CHRM3: variants seen among roughly 807,000 people sequenced by gnomAD.
CHRM3 encodes cholinergic receptor muscarinic 3.
CHRM3 carries 11 observed loss-of-function variants against 41.8 expected under a neutral mutation model. That is an observed-to-expected ratio of 0.26 (90% CI 0.17 to 0.44). The LOEUF is 0.44. CHRM3 is among the 20% of genes least tolerant of loss of function. CHRM3 has a pLI of 1.00. For missense variants in CHRM3, 571 were observed against 745.4 expected, an observed-to-expected ratio of 0.77 and a Z score of 2.72; for synonymous variants, 297 against 301.4, an observed-to-expected ratio of 0.99 and a Z score of 0.15.
chr1:239,569,033 G>T (rs761220352), intron 3 of CHRM3, among the ~76,000 whole-genome samples: 12 of 152,162 alleles, frequency 7.9e-5, no homozygotes, highest in Non-Finnish European at 1.5e-4. Flanking sequence ...GAGAAAGGTA[G>T]TGTTGGGACA....
chr1:239,423,948 G>A (rs180907530), intron 1 of CHRM3, among the ~76,000 whole-genome samples: 3 of 151,300 alleles, frequency 2.0e-5, no homozygotes, highest in Admixed American at 2.0e-4. Context: ...CCAGCTACTC[G>A]GGAGGCTGAG....
rs1658199771 is a variant in CHRM3, at chr1:239,678,211, C to T, written c.-224C>T. Reference sequence around the variant, plus strand: ...GTTTTGCTGTGGCGTGGCACCTGGTCTCTTTCTAGAAGGAAAGTTCAACAT... The same window carrying T: ...GTTTTGCTGTGGCGTGGCACCTGGTTTCTTTCTAGAAGGAAAGTTCAACAT... On this transcript the variant is annotated 5_prime_UTR_variant, in exon 5 of 7. Transcript: ENST00000676153. 6.6e-6 allele frequency: 1 copy of T among 152,170 alleles called. No homozygotes were observed. Among genetic ancestry groups the T allele is most frequent in the South Asian group, 2.1e-4 (1 of 4,830 alleles). 9.4% of individuals were successfully genotyped at this position (152,170 alleles called of 1,614,324 possible).
At chr1:239,474,729 A>C (rs1043760956) in intron 1 of CHRM3, among the ~76,000 whole-genome samples, 1 of 152,162 alleles carries the variant, frequency 6.6e-6, no homozygotes, top group African/African-American at 2.4e-5. Flanking sequence ...GCCAACTATC[A>C]GCTTATAAGT....
At chr1:239,596,375 C>A (rs541198948) in intron 3 of CHRM3, among the ~76,000 whole-genome samples, 2 of 151,970 alleles carry the variant, frequency 1.3e-5, no homozygotes, top group African/African-American at 4.8e-5. Context: ...GGAAGGAGAG[C>A]TGCAAGTACA....
At chr1:239,646,634 G>A (rs1325631259) in intron 4 of CHRM3, among the ~76,000 whole-genome samples, 6 of 152,232 alleles carry the variant, frequency 3.9e-5, no homozygotes, top group Non-Finnish European at 7.4e-5. Context: ...CAGAAAGAGG[G>A]CACTGCAAGG....
chr1:239,786,821 A>G (rs1034893090), intron 5 of CHRM3, among the ~76,000 whole-genome samples: 1 of 152,210 alleles, frequency 6.6e-6, no homozygotes, highest in African/African-American at 2.4e-5. Flanking sequence ...CAGGGTAAGG[A>G]CCAAGTGAAC....
intron 2 of CHRM3, among the ~76,000 whole-genome samples, chr1:239,541,668 C>T (rs1320647703): frequency 7.9e-5 from 12 of 152,070 alleles, no homozygotes; most frequent in African/African-American, 1.4e-4. Flanking sequence ...TGTGCCACTG[C>T]GCCAGGCTAA....
chr1:239,902,904 A>G (rs1473934428), intron 6 of CHRM3, among the ~76,000 whole-genome samples: 1 of 152,212 alleles, frequency 6.6e-6, no homozygotes, highest in Non-Finnish European at 1.5e-5. Context: ...CATCTATTGC[A>G]TGACAGAAAA....
At chr1:239,663,150 TGCC>T (rs1673436092) in intron 4 of CHRM3, among the ~76,000 whole-genome samples, 1 of 151,824 alleles carries the variant, frequency 6.6e-6, no homozygotes, top group Non-Finnish European at 1.5e-5. Context: ...GCTGAGGAGG[TGCC>T]TCTGTTCTGC....
In CHRM3 at chr1:239,838,207, G is replaced by A. The variant is rs912596674; in HGVS notation, c.-20+10829G>A. ...CAGTTTATTTGGACTGAAGAAAGGG[G>A]TCTATCAGTGAAAATATGGGATGTA... On this transcript the variant is annotated intron_variant, in intron 6 of 6. Coordinates refer to ENST00000676153, the MANE Select transcript of CHRM3 (RefSeq NM_001375978.1). 3.3e-5 allele frequency among the ~76,000 whole-genome samples: 5 copies of A among 152,088 alleles called. No homozygotes were observed. The East Asian group carries it at 9.7e-4, about 29-fold the overall frequency.
chr1:239,810,769 C>T (rs1480229243), intron 5 of CHRM3, among the ~76,000 whole-genome samples: 1 of 152,238 alleles, frequency 6.6e-6, no homozygotes, highest in African/African-American at 2.4e-5. Context: ...TGTGATTAAA[C>T]ACTGCTACCT....
At chr1:239,804,803 G>A (rs563553080) in intron 5 of CHRM3, among the ~76,000 whole-genome samples, 5 of 152,238 alleles carry the variant, frequency 3.3e-5, no homozygotes, top group Non-Finnish European at 7.4e-5. Flanking sequence ...CGCATTGACT[G>A]TTTTCTGTGT....
intron 5 of CHRM3, among the ~76,000 whole-genome samples, chr1:239,804,705 G>A (rs537403230): frequency 2.0e-5 from 3 of 152,130 alleles, no homozygotes; most frequent in East Asian, 1.9e-4. Context: ...AACTCGGTTC[G>A]AGCTAAATGC....
chr1:239,894,229 T>C (rs1320542283), intron 6 of CHRM3, among the ~76,000 whole-genome samples: 1 of 152,218 alleles, frequency 6.6e-6, no homozygotes, highest in African/African-American at 2.4e-5. Flanking sequence ...GCTTTTGATA[T>C]TGTCTTCAAG....
chr1:239,501,990 T>G (rs1668272318), intron 2 of CHRM3, among the ~76,000 whole-genome samples: 1 of 152,050 alleles, frequency 6.6e-6, no homozygotes, highest in Non-Finnish European at 1.5e-5. Flanking sequence ...GAGCATGAAC[T>G]GACATTCTAA....
At chr1:239,771,420 G>T (rs1255563350) in intron 5 of CHRM3, among the ~76,000 whole-genome samples, 1 of 151,902 alleles carries the variant, frequency 6.6e-6, no homozygotes, top group Non-Finnish European at 1.5e-5. Context: ...CGCCAAAAAA[G>T]AAAAAAGAAT....
At chr1:239,468,787 G>A (rs61834722) in intron 1 of CHRM3, among the ~76,000 whole-genome samples, 6,479 of 152,138 alleles carry the variant, frequency 0.043, 210 homozygotes, top group African/African-American at 0.09. Flanking sequence ...AGCATTCAGC[G>A]TGACCCTGAA....
intron 4 of CHRM3, among the ~76,000 whole-genome samples, chr1:239,650,165 G>T (rs1015352695): frequency 6.6e-6 from 1 of 152,134 alleles, no homozygotes; most frequent in African/African-American, 2.4e-5. Flanking sequence ...TGTAAGTTTG[G>T]GTTAAGCACT....
chr1:239,589,564 A>T (rs1243059564), intron 3 of CHRM3, among the ~76,000 whole-genome samples: 1 of 147,230 alleles, frequency 6.8e-6, no homozygotes, highest in Non-Finnish European at 1.5e-5. Flanking sequence ...TAATATGTGA[A>T]ATTTTTTCAT....
Sources: gnomAD v4.1 joint callset for allele counts (sites outside exome capture counted in the v4.1 genomes callset) on GRCh38, gnomAD v4.1.1 for gene constraint, MANE v1.5 for transcripts, NCBI Gene and HGNC (gene_info 2026-07-23, HGNC 2026-07-21) for gene names.